Variants in STMN2 observed in about 807,000 individuals in gnomAD.
STMN2 encodes stathmin 2.
STMN2 carries 2 observed loss-of-function variants against 24.1 expected under a neutral mutation model. The ratio of observed to expected loss-of-function variants is 0.08; its 90% CI spans 0.03 to 0.26. The LOEUF (loss-of-function observed/expected upper bound fraction) is 0.26. Among genes scored for constraint, STMN2 ranks in the 10% least tolerant of loss-of-function variants. The pLI, the probability that STMN2 is intolerant of heterozygous loss-of-function variation, is 1.00. For synonymous variants in STMN2, 83 were observed against 77.5 expected (o/e 1.07, Z -0.37); for missense variants, 114 against 213.6 (o/e 0.53, Z 2.91).
At chr8:79,646,210 T>C (rs1810214041) in intron 3 of STMN2, among the ~76,000 whole-genome samples, 1 of 152,090 alleles carries the variant, frequency 6.6e-6, no homozygotes, top group Non-Finnish European at 1.5e-5. Flanking sequence ...AATCCTAGTC[T>C]GGGCAAAATC....
intron 1 of STMN2, among the ~76,000 whole-genome samples, chr8:79,628,479 A>C (rs1489825132): frequency 1.3e-5 from 2 of 152,066 alleles, no homozygotes. Context: ...TTTTTTGAGG[A>C]GCCTCCATAC....
chr8:79,641,899 G>A (rs929013627), intron 3 of STMN2, among the ~76,000 whole-genome samples: 2 of 152,126 alleles, frequency 1.3e-5, no homozygotes, highest in Non-Finnish European at 2.9e-5. Context: ...TCAGGCAGAA[G>A]CACTGTAGAG....
At chr8:79,612,979 C>A (rs1005275037) in intron 1 of STMN2, among the ~76,000 whole-genome samples, 3 of 152,082 alleles carry the variant, frequency 2.0e-5, no homozygotes, top group Non-Finnish European at 2.9e-5. Context: ...CCCAGCCAAG[C>A]GGGTGGCTCT....
intron 4 of STMN2, among the ~76,000 whole-genome samples, chr8:79,656,844 A>G (rs1297747904): frequency 2.6e-5 from 4 of 152,056 alleles, no homozygotes; most frequent in Non-Finnish European, 5.9e-5. Context: ...CAAATTACAC[A>G]TACCCAAACA....
chr8:79,649,010 G>A (rs1810278734), intron 3 of STMN2, among the ~76,000 whole-genome samples: 1 of 152,082 alleles, frequency 6.6e-6, no homozygotes, highest in Admixed American at 6.5e-5. Context: ...GGCATAATCA[G>A]CTTCAAAGTC....
At chr8:79,625,832 C>T (rs1397610797) in intron 1 of STMN2, among the ~76,000 whole-genome samples, 3 of 152,074 alleles carry the variant, frequency 2.0e-5, no homozygotes, top group Non-Finnish European at 2.9e-5. Context: ...GTGGTTGCCG[C>T]CTGTAATCCC....
chr8:79,633,324 G>A (rs1016164509), intron 1 of STMN2, among the ~76,000 whole-genome samples: 1 of 152,290 alleles, frequency 6.6e-6, no homozygotes, highest in East Asian at 1.9e-4. Flanking sequence ...TGGGGTCATA[G>A]CCTTTGAAAC....
intron 4 of STMN2, among the ~76,000 whole-genome samples, chr8:79,657,166 G>A (rs960238800): frequency 6.6e-6 from 1 of 152,206 alleles, no homozygotes; most frequent in African/African-American, 2.4e-5. Context: ...GAGCCACCGT[G>A]CCCAGCCAGG....
intron 4 of STMN2, among the ~76,000 whole-genome samples, chr8:79,658,672 A>G (rs1806432604): frequency 6.6e-6 from 1 of 152,184 alleles, no homozygotes. Flanking sequence ...AAGCTTTTCC[A>G]CAATCTGCCT....
intron 3 of STMN2, among the ~76,000 whole-genome samples, chr8:79,643,113 GATTATAT>G (rs1810140842): frequency 7.1e-6 from 1 of 141,810 alleles, no homozygotes; most frequent in Non-Finnish European, 1.5e-5. Context: ...TATACACCAT[GATTATAT>G]ATTAATATTG....
intron 3 of STMN2, among the ~76,000 whole-genome samples, chr8:79,652,311 GT>G (rs1337684846): frequency 1.3e-5 from 2 of 152,132 alleles, no homozygotes; most frequent in Non-Finnish European, 2.9e-5. Flanking sequence ...CCTTGAGAAG[GT>G]TTGCTGGACT....
intron 3 of STMN2, among the ~76,000 whole-genome samples, chr8:79,650,802 C>T (rs1010854360): frequency 1.3e-5 from 2 of 152,046 alleles, no homozygotes; most frequent in Non-Finnish European, 2.9e-5. Flanking sequence ...GGACAGGTGT[C>T]GTGTTGCACG....
chr8:79,614,330 G>A (rs1258630180), intron 1 of STMN2, among the ~76,000 whole-genome samples: 1 of 152,190 alleles, frequency 6.6e-6, no homozygotes, highest in Non-Finnish European at 1.5e-5. Flanking sequence ...ATGATTGTAA[G>A]AGGTGCATAT....
chr8:79,657,676 G>T (rs561074844), intron 4 of STMN2, among the ~76,000 whole-genome samples: 2 of 152,044 alleles, frequency 1.3e-5, no homozygotes, highest in African/African-American at 4.8e-5. Context: ...AAATCTAATA[G>T]GATCTTTGGC....
At chr8:79,648,395 T>C (rs983708062) in intron 3 of STMN2, among the ~76,000 whole-genome samples, 1 of 148,690 alleles carries the variant, frequency 6.7e-6, no homozygotes, top group African/African-American at 2.5e-5. Flanking sequence ...CATGATTTTA[T>C]AAAGAAAAGA....
intron 1 of STMN2, among the ~76,000 whole-genome samples, chr8:79,620,055 A>G (rs1809474400): frequency 6.6e-6 from 1 of 151,488 alleles, no homozygotes; most frequent in South Asian, 2.1e-4. Flanking sequence ...TCCCTCTGAG[A>G]TGGGCATACT....
chr8:79,648,807 A>T (rs79538107), intron 3 of STMN2, among the ~76,000 whole-genome samples: 5,489 of 152,216 alleles, frequency 0.036, 128 homozygotes, highest in South Asian at 0.096. Flanking sequence ...AATTGCATAG[A>T]AGAAAAGACA....
intron 2 of STMN2, 91 bp from the exon 3 acceptor site, chr8:79,641,287 C>T (rs915755411): frequency 3.6e-5 from 49 of 1,376,346 alleles, no homozygotes; most frequent in Middle Eastern, 3.7e-4. Context: ...GGAATAACAA[C>T]GCTACTTCCA....
intron 1 of STMN2, among the ~76,000 whole-genome samples, chr8:79,622,452 C>G (rs547849481): frequency 6.6e-6 from 1 of 152,244 alleles, no homozygotes; most frequent in Non-Finnish European, 1.5e-5. Context: ...GAAATGATTA[C>G]TGCTTAATAA....
Sources: gnomAD v4.1 joint callset for allele counts (sites outside exome capture counted in the v4.1 genomes callset) on GRCh38, gnomAD v4.1.1 for gene constraint, MANE v1.5 for transcripts, NCBI Gene and HGNC (gene_info 2026-07-23, HGNC 2026-07-21) for gene names.